The following FANCA variants were observed in gnomAD, a reference collection of about 807,000 sequenced individuals.
FANCA encodes Fanconi anemia group A protein.
A neutral mutation model predicts 194.3 loss-of-function variants in FANCA; 236 were observed. That is an observed-to-expected ratio of 1.21 (90% CI 1.09 to 1.35). FANCA has a LOEUF of 1.35. Among genes scored for constraint, FANCA ranks in the 40% most tolerant of loss-of-function variants. The pLI is 0.00. For synonymous variants in FANCA, 1,014 were observed against 715.8 expected (o/e 1.42, Z -6.65); for missense variants, 2,628 against 1,813.9 (o/e 1.45, Z -8.15).
chr16:89,740,493 G>C (rs1337641350), intron 38 of FANCA: 5 of 476,640 alleles, frequency 1.0e-5, no homozygotes, highest in African/African-American at 9.7e-5. Context: ...AAATTAGCCG[G>C]GTGTGACAGA....
chr16:89,808,158 T>C (rs575747585), intron 6 of FANCA, 136 bp downstream of exon 6: 6 of 791,268 alleles, frequency 7.6e-6, no homozygotes, highest in East Asian at 7.3e-5. Flanking sequence ...AGTATAAATA[T>C]GCAATGCAAT....
chr16:89,775,667 A>G (rs1370760211), intron 21 of FANCA, 75 bp downstream of exon 21: 5 of 1,243,872 alleles, frequency 4.0e-6, no homozygotes, highest in African/African-American at 3.0e-5. Context: ...CGGGTGGTGT[A>G]GCACAACAGA....
intron 29 of FANCA, among the ~76,000 whole-genome samples, 166 bp from the exon 30 acceptor site, chr16:89,758,871 G>A (rs1345053743): frequency 6.6e-6 from 1 of 152,158 alleles, no homozygotes; most frequent in Non-Finnish European, 1.5e-5. Flanking sequence ...ACTGTCTGCA[G>A]GGTGGGATGC....
chr16:89,813,276 C>G (rs867922223), intron 3 of FANCA, among the ~76,000 whole-genome samples: 1 of 151,778 alleles, frequency 6.6e-6, no homozygotes, highest in Non-Finnish European at 1.5e-5. Flanking sequence ...GGCATGGTGG[C>G]GCACACCTGT....
At chr16:89,814,930 G>A (rs2143714705) in intron 2 of FANCA, among the ~76,000 whole-genome samples, 1 of 152,072 alleles carries the variant, frequency 6.6e-6, no homozygotes, top group South Asian at 2.1e-4. Context: ...TACAGTGTGA[G>A]ACTTTGTCTC....
chr16:89,745,364 G>A (rs1341395872), intron 35 of FANCA, among the ~76,000 whole-genome samples: 1 of 151,962 alleles, frequency 6.6e-6, no homozygotes, highest in Non-Finnish European at 1.5e-5. Context: ...ACAGTGAAGG[G>A]ACCACAGTCC....
chr16:89,766,217 G>A (rs374575917), intron 27 of FANCA, among the ~76,000 whole-genome samples: 3 of 151,374 alleles, frequency 2.0e-5, no homozygotes, highest in Non-Finnish European at 4.4e-5. Flanking sequence ...GGCTGGTCTC[G>A]ATCTCTTGAC....
intron 18 of FANCA, among the ~76,000 whole-genome samples, chr16:89,779,649 C>G (rs1442891124): frequency 6.6e-6 from 1 of 152,252 alleles, no homozygotes; most frequent in African/African-American, 2.4e-5. Flanking sequence ...ATTCACAGCC[C>G]TGACTCCTGT....
intron 17 of FANCA, among the ~76,000 whole-genome samples, chr16:89,782,628 G>T (rs188267741): frequency 6.6e-6 from 1 of 152,230 alleles, no homozygotes; most frequent in Admixed American, 6.5e-5. Flanking sequence ...CCTGCAGCCT[G>T]AGGCACTTCA....
chr16:89,782,277 C>T (rs2039743747), intron 17 of FANCA, among the ~76,000 whole-genome samples: 1 of 151,388 alleles, frequency 6.6e-6, no homozygotes, highest in African/African-American at 2.4e-5. Context: ...TTTGAGAGGC[C>T]AAGGCGGGCG....
In FANCA at chr16:89,799,175, A is replaced by G; in HGVS notation, c.884T>C (p.Val295Ala). Residue 295 changes from valine (V) to alanine (A), a missense_variant, in exon 10 of 43, where the codon GTG becomes GCG. Val to Ala is a moderately conservative substitution (Grantham distance 64). Transcript: ENST00000389301. ...ACCCTCAGGAACATACCAGCACCTC[A>G]CGATCTTGTGAGTGGAGGACTCCTC... Reference protein sequence around the residue: ...VQEESSTHKIVRCWFGVFSGH... With the variant: ...VQEESSTHKIARCWFGVFSGH... 1 of 1,612,142 alleles carries G rather than the reference A, an allele frequency of 6.2e-7. No individual in the cohort carries two copies. The highest frequency in any genetic ancestry group is 8.5e-7 in the Non-Finnish European group (1 of 1,178,232).
chr16:89,738,164 C>A lies in FANCA; in HGVS notation c.*437G>T, dbSNP rs747111210. 9 of 1,613,248 alleles carry A rather than the reference C, an allele frequency of 5.6e-6. No homozygotes were observed. Among genetic ancestry groups the A allele is most frequent in the Non-Finnish European group, 7.6e-6 (9 of 1,179,912 alleles). On this transcript the variant is annotated 3_prime_UTR_variant, in exon 43 of 43. Coordinates refer to ENST00000389301, the MANE Select transcript of FANCA (RefSeq NM_000135.4). The stretch of plus-strand genomic sequence containing the variant: ...ACACAGACCCAGGACAAGGCCCTGC[C>A]CCTGGAGGCGGAACCACCACCTGGG...
chr16:89,747,469 G>A (rs1220999870), intron 33 of FANCA, among the ~76,000 whole-genome samples: 3 of 152,214 alleles, frequency 2.0e-5, no homozygotes, highest in Non-Finnish European at 4.4e-5. Context: ...GGGAGGCCAA[G>A]GCGGGTGGAT....
At chr16:89,813,808 G>C (rs1044865145) in intron 3 of FANCA, among the ~76,000 whole-genome samples, 16 of 146,390 alleles carry the variant, frequency 1.1e-4, no homozygotes, top group African/African-American at 4.1e-4. Context: ...GTCTTTTACT[G>C]TGTGTGTGTG....
intron 23 of FANCA, 128 bp from the exon 24 acceptor site, chr16:89,770,762 T>G (rs1280310115): frequency 1.2e-6 from 1 of 807,288 alleles, no homozygotes; most frequent in African/African-American, 1.7e-5. Context: ...ACAGGCTTGT[T>G]TGGAGGGCAT....
In FANCA at chr16:89,758,721, C is replaced by G; in HGVS notation, c.2853-16G>C. ...GAAGTCCTGCCTAGAACAGCAAACA[C>G]TGCTATCAATTCTGAGAAATGCTTC... On this transcript the variant is annotated splice_polypyrimidine_tract_variant and intron_variant, in intron 29 of 42. Transcript: ENST00000389301. The G allele has an allele frequency of 1.2e-6, 2 of 1,612,972 alleles. No homozygotes were observed. Among genetic ancestry groups the G allele is most frequent in the Non-Finnish European group, 1.7e-6 (2 of 1,179,184 alleles).
At chr16:89,782,944 C>T (rs763806581) in intron 16 of FANCA, 26 bp from the exon 17 acceptor site, 2 of 1,613,410 alleles carry the variant, frequency 1.2e-6, no homozygotes, top group African/African-American at 1.3e-5. Flanking sequence ...AGAATGAGAA[C>T]AAGAAAACAA....
chr16:89,815,811 G>A (rs576949320), intron 2 of FANCA, 66 bp downstream of exon 2: 50 of 1,230,570 alleles, frequency 4.1e-5, no homozygotes, highest in Middle Eastern at 2.2e-4. Flanking sequence ...GGAAAGCTGT[G>A]CGGTGGCTGG....
In FANCA at chr16:89,738,018, C is replaced by A; in HGVS notation, c.*583G>T. ...TCCAGTGCAGGCAGCGGGCATCCCT[C>A]AAGTACCACATGACCAAACACAAGG... is the stretch of plus-strand genomic sequence containing the variant. On this transcript the variant is annotated 3_prime_UTR_variant, in exon 43 of 43. Transcript: ENST00000389301. 6.2e-7 allele frequency: 1 copy of A among 1,614,164 alleles called. No homozygotes were observed. Among genetic ancestry groups the A allele is most frequent in the Non-Finnish European group, 8.5e-7 (1 of 1,180,044 alleles).
Sources: allele counts gnomAD v4.1 joint callset (sites outside exome capture counted in the v4.1 genomes callset), GRCh38; gene constraint gnomAD v4.1.1; transcripts MANE v1.5; gene names NCBI Gene and HGNC (gene_info 2026-07-23, HGNC 2026-07-21).